CSMD2: variants seen among roughly 807,000 people sequenced by gnomAD.
CSMD2 encodes the protein CUB and Sushi multiple domains 2.
In CSMD2, 130 loss-of-function variants were observed where a neutral mutation model predicts 398.5. The observed-to-expected ratio is 0.33, with a 90% CI of 0.28 to 0.38. The LOEUF is 0.38. CSMD2 is among the 10% of genes least tolerant of loss of function. The pLI, the probability that CSMD2 is intolerant of heterozygous loss-of-function variation, is 1.00. For missense variants in CSMD2, 3,829 were observed against 4,764.9 expected (o/e 0.80, Z 5.78); for synonymous variants, 1,828 against 1,908.5 (o/e 0.96, Z 1.10).
intron 2 of CSMD2, among the ~76,000 whole-genome samples, chr1:34,036,132 C>T (rs539692535): frequency 6.6e-6 from 1 of 151,812 alleles, no homozygotes. Context: ...AAAAAAAAAA[C>T]CACATAACTA....
chr1:33,907,179 C>T (rs528071751), intron 5 of CSMD2, among the ~76,000 whole-genome samples: 260 of 140,140 alleles, frequency 1.9e-3, no homozygotes, highest in African/African-American at 6.2e-3. Flanking sequence ...AGTGCAGTGG[C>T]GTGAACTCGG....
chr1:33,534,658 C>T (rs978703163), intron 62 of CSMD2, among the ~76,000 whole-genome samples: 1 of 152,220 alleles, frequency 6.6e-6, no homozygotes, highest in African/African-American at 2.4e-5. Context: ...ACTTATGTGT[C>T]CCTATTACCT....
At chr1:33,794,616 A>C (rs1190508868) in intron 10 of CSMD2, among the ~76,000 whole-genome samples, 1 of 152,190 alleles carries the variant, frequency 6.6e-6, no homozygotes, top group Admixed American at 6.5e-5. Context: ...AATGCTAAGA[A>C]TTTTGGGCTT....
At chr1:34,045,945 G>A (rs186406041) in intron 2 of CSMD2, among the ~76,000 whole-genome samples, 3 of 152,358 alleles carry the variant, frequency 2.0e-5, no homozygotes, top group Admixed American at 2.0e-4. Flanking sequence ...ATGCACCATG[G>A]TTCCCAAACG....
Position 33,540,532 on chromosome 1 carries a change from C to G in CSMD2, c.9624G>C (p.Gln3208His). The G allele has an allele frequency of 6.2e-7, 1 of 1,614,146 alleles. No homozygotes were observed. The highest frequency in any genetic ancestry group is 8.5e-7 in the Non-Finnish European group (1 of 1,180,006). Residue 3208 changes from glutamine to histidine, a missense_variant, in exon 60 of 71, where the codon CAG (glutamine) becomes CAC (histidine). Coordinates refer to ENST00000373381, the MANE Select transcript of CSMD2 (RefSeq NM_001281956.2). Reference protein sequence around the residue: ...GNGSWTGELPQCFPVFCGDPG... With the variant: ...GNGSWTGELPHCFPVFCGDPG... The stretch of plus-strand genomic sequence containing the variant: ...CCCTTGTAAGCAACTTACGGAAACA[C>G]TGAGGCAGCTCTCCGGTCCAGGACC...
At chr1:33,976,473 G>A (rs1249656851) in intron 3 of CSMD2, among the ~76,000 whole-genome samples, 1 of 152,142 alleles carries the variant, frequency 6.6e-6, no homozygotes, top group Non-Finnish European at 1.5e-5. Flanking sequence ...AGCAGGATGT[G>A]GGATGCCCTC....
chr1:34,134,078 A>T lies in CSMD2; in HGVS notation c.187+30833T>A, dbSNP rs571452075. Among the ~76,000 whole-genome samples the T allele has an allele frequency of 7.5e-3, 921 of 122,132 alleles. 18 individuals carry two copies. Among genetic ancestry groups the T allele is most frequent in the African/African-American group, 0.024 (830 of 34,000 alleles). The allele number at this position is 122,132 out of a possible 152,430, so 80.1% of individuals were successfully genotyped here. ...AAAAAAAAAAAAAAAAAAAAAAAAA[A>T]TACTGAGCAGCTCTGGCAGCCAAAC... On this transcript the variant is annotated intron_variant, in intron 1 of 70. Coordinates refer to ENST00000373381, the MANE Select transcript of CSMD2 (RefSeq NM_001281956.2).
At chr1:33,902,647 ACCCCTCAGCTTTCGCTAAGTATC>A (rs1642832601) in intron 5 of CSMD2, among the ~76,000 whole-genome samples, 1 of 151,898 alleles carries the variant, frequency 6.6e-6, no homozygotes, top group Non-Finnish European at 1.5e-5. Context: ...ATGTCCACAA[ACCCCTCAGCTTTCGCTAAGTATC>A]CCCCTCAGCC....
intron 28 of CSMD2, among the ~76,000 whole-genome samples, chr1:33,652,023 G>A (rs537623906): frequency 3.9e-5 from 6 of 152,178 alleles, no homozygotes; most frequent in Admixed American, 2.0e-4. Context: ...GCAGGGCAAG[G>A]GCATCCAACA....
intron 3 of CSMD2, among the ~76,000 whole-genome samples, chr1:33,939,658 T>C (rs1387739587): frequency 1.3e-5 from 2 of 152,214 alleles, no homozygotes; most frequent in African/African-American, 4.8e-5. Flanking sequence ...AAAGTCACTC[T>C]CAAAAGCTCA....
intron 6 of CSMD2, among the ~76,000 whole-genome samples, chr1:33,829,154 C>A (rs905885155): frequency 6.6e-6 from 1 of 152,146 alleles, no homozygotes; most frequent in East Asian, 1.9e-4. Context: ...ACAGGGGTCA[C>A]AGCTCTTTGG....
At chr1:33,659,860 T>G (rs879458522) in intron 26 of CSMD2, among the ~76,000 whole-genome samples, 1 of 152,272 alleles carries the variant, frequency 6.6e-6, no homozygotes, top group Non-Finnish European at 1.5e-5. Flanking sequence ...CCTATGCCTA[T>G]TTTTGTAAAT....
chr1:33,557,648 ACACAC>A, intron 55 of CSMD2, 81 bp downstream of exon 55: 5 of 1,154,312 alleles, frequency 4.3e-6, no homozygotes, highest in Non-Finnish European at 6.1e-6. Flanking sequence ...ACACACACAC[ACACAC>A]ACACACATGC....
chr1:33,541,751 C>G (rs1773026), intron 58 of CSMD2, among the ~76,000 whole-genome samples: 61,858 of 152,122 alleles, frequency 0.41, 12,823 homozygotes, highest in Non-Finnish European at 0.46. Context: ...AGTGCCCCCT[C>G]TAAGAGGAAG....
At chr1:34,138,458 C>T (rs1428314415) in intron 1 of CSMD2, among the ~76,000 whole-genome samples, 3 of 152,214 alleles carry the variant, frequency 2.0e-5, no homozygotes, top group South Asian at 2.1e-4. Flanking sequence ...ATCTGTAAAA[C>T]GGAGGTGGTA....
chr1:34,032,737 T>A, intron 2 of CSMD2, 31 bp from the exon 3 acceptor site: 2 of 1,478,840 alleles, frequency 1.4e-6, no homozygotes, highest in Non-Finnish European at 1.9e-6. Context: ...TTAGGGAGAA[T>A]GACCCCCTTG....
rs189138751 is a variant in CSMD2 at position 33,848,168 on chromosome 1, G to A, written c.921-1172C>T. Reference sequence around the variant, plus strand: ...TCTTGGAACTATAAAGGTGAGGGCCGACTATGGGGGAACCACCCGGGAGGG... The same window carrying A: ...TCTTGGAACTATAAAGGTGAGGGCCAACTATGGGGGAACCACCCGGGAGGG... On this transcript the variant is annotated intron_variant, in intron 5 of 70. Transcript: ENST00000373381. 3.0e-3 allele frequency among the ~76,000 whole-genome samples: 459 copies of A among 152,282 alleles called. 2 individuals are homozygous for A. Among genetic ancestry groups the A allele is most frequent in the Non-Finnish European group, 4.7e-3 (321 of 68,008 alleles).
intron 6 of CSMD2, among the ~76,000 whole-genome samples, chr1:33,842,381 G>A (rs928371246): frequency 4.6e-5 from 7 of 152,130 alleles, no homozygotes; most frequent in South Asian, 4.2e-4. Context: ...ATGTGATCAC[G>A]TCTCCCCTTT....
intron 36 of CSMD2, 92 bp downstream of exon 36, chr1:33,623,278 A>G (rs1641890093): frequency 1.1e-6 from 1 of 876,542 alleles, no homozygotes. Context: ...AATATAAGTG[A>G]TATCTCAATA....
Sources: gnomAD v4.1 joint callset for allele counts (sites outside exome capture counted in the v4.1 genomes callset) on GRCh38, gnomAD v4.1.1 for gene constraint, MANE v1.5 for transcripts, NCBI Gene and HGNC (gene_info 2026-07-23, HGNC 2026-07-21) for gene names.